SMAP2: variants seen among roughly 807,000 people sequenced by gnomAD.
The protein encoded by SMAP2 is stromal membrane-associated protein 2.
SMAP2 carries 25 observed loss-of-function variants against 56.4 expected under a neutral mutation model. The ratio of observed to expected loss-of-function variants is 0.44; its 90% confidence interval spans 0.32 to 0.62. The LOEUF (loss-of-function observed/expected upper bound fraction) is 0.62. SMAP2 is among the 20% of genes least tolerant of loss of function. SMAP2 has a pLI of 0.04. For missense variants in SMAP2, 388 were observed against 545.6 expected (o/e 0.71, Z 2.88); for synonymous variants, 157 against 181.7 (o/e 0.86, Z 1.09).
chr1:40,414,363 C>T, intron 6 of SMAP2, 123 bp downstream of exon 6: 1 of 844,130 alleles, frequency 1.2e-6, no homozygotes, highest in Non-Finnish European at 1.9e-6. Context: ...TGTTCTCTCA[C>T]ATTCTTCCTG....
At chr1:40,416,756 C>A (rs1457080258) in intron 8 of SMAP2, 24 bp from the exon 9 acceptor site, 1 of 1,582,314 alleles carries the variant, frequency 6.3e-7, no homozygotes, top group Non-Finnish European at 8.6e-7. Flanking sequence ...CTTTAACCAA[C>A]CTGTATGTGT....
chr1:40,350,568 T>G (rs939716133), intron 1 of SMAP2, among the ~76,000 whole-genome samples: 3 of 152,214 alleles, frequency 2.0e-5, no homozygotes, highest in African/African-American at 7.2e-5. Flanking sequence ...ATTTGTCTGG[T>G]GATTTGCAAA....
intron 1 of SMAP2, among the ~76,000 whole-genome samples, chr1:40,360,004 CT>C (rs775408458): frequency 4.9e-5 from 5 of 102,498 alleles, no homozygotes; most frequent in Middle Eastern, 6.3e-3. Context: ...CTTCTTCTTT[CT>C]TTTTTTTTTT....
chr1:40,419,258 A>C (rs1242648834), intron 9 of SMAP2, among the ~76,000 whole-genome samples: 2 of 149,546 alleles, frequency 1.3e-5, no homozygotes, highest in African/African-American at 4.9e-5. Flanking sequence ...TGTTCTGAAT[A>C]CCAAGATAAT....
intron 1 of SMAP2, chr1:40,396,851 G>C: frequency 1.0e-6 from 1 of 985,182 alleles, no homozygotes; most frequent in Non-Finnish European, 1.2e-6. Context: ...TTCCTTTTCA[G>C]TGAATCAGAG....
chr1:40,416,713 G>C, intron 8 of SMAP2, 67 bp from the exon 9 acceptor site: 1 of 1,482,460 alleles, frequency 6.7e-7, no homozygotes, highest in Non-Finnish European at 9.2e-7. Context: ...GGGTTAGCCA[G>C]GGAGAGTTCG....
chr1:40,374,952 A>G lies in SMAP2; in HGVS notation c.103+729A>G. 1.0e-6 allele frequency: 1 copy of G among 985,364 alleles called. No homozygotes were observed. Among genetic ancestry groups the G allele is most frequent in the Non-Finnish European group, 1.2e-6 (1 of 829,922 alleles). The allele number at this position is 985,364 out of a possible 1,614,324, so 61.0% of individuals were successfully genotyped here. ...TATGCCTGTAGTGCAGGATCCGTTTAATCAGTGGAGAGAGAAAGATGAATT... is the reference window on the plus strand; with the variant it reads ...TATGCCTGTAGTGCAGGATCCGTTTGATCAGTGGAGAGAGAAAGATGAATT... On this transcript the variant is annotated intron_variant, in intron 1 of 9. Coordinates refer to ENST00000372718, the MANE Select transcript of SMAP2 (RefSeq NM_022733.3). The surrounding 1 kb of genome is among the most constrained non-coding windows in gnomAD (Gnocchi z 5.9).
intron 1 of SMAP2, among the ~76,000 whole-genome samples, chr1:40,398,382 C>G (rs1644794515): frequency 6.6e-6 from 1 of 150,696 alleles, no homozygotes; most frequent in South Asian, 2.1e-4. Context: ...AGGCATATCA[C>G]CACACCGAGC....
In SMAP2 at chr1:40,415,370, G is replaced by A. The variant is rs374818974; in HGVS notation, c.670G>A (p.Gly224Ser). The change falls in exon 7 of 10, where the codon GGT (glycine) becomes AGT (serine). Residue 224 changes from glycine to serine, a missense_variant. Gly to Ser is a moderately conservative substitution (Grantham distance 56, BLOSUM62 0). Coordinates refer to ENST00000372718, the MANE Select transcript of SMAP2 (RefSeq NM_022733.3). ...CTCTGTTCCATCCCCTTCTTCTTCC[G>A]GTTCCAGAAAGGTGAGTCTTGTGGG... ...LASVPSPSSS[G>S]SRKVVGSMPT... 145 of 1,607,954 alleles carry A rather than the reference G, an allele frequency of 9.0e-5. No homozygotes were observed. The highest frequency in any genetic ancestry group is 1.2e-4 in the Non-Finnish European group (136 of 1,174,584).
chr1:40,400,022 C>T (rs147385383), intron 1 of SMAP2, among the ~76,000 whole-genome samples: 94 of 152,264 alleles, frequency 6.2e-4, no homozygotes, highest in African/African-American at 2.1e-3. Context: ...ATGTTACAGT[C>T]GGGTTTAGAC....
At chr1:40,345,886 T>C (rs1426208841) in intron 1 of SMAP2, among the ~76,000 whole-genome samples, 1 of 135,278 alleles carries the variant, frequency 7.4e-6, no homozygotes, top group Non-Finnish European at 1.6e-5. Flanking sequence ...TTATATTGTA[T>C]TGTATTATAT....
At chr1:40,348,616 G>T (rs944312964) in intron 1 of SMAP2, among the ~76,000 whole-genome samples, 1 of 151,978 alleles carries the variant, frequency 6.6e-6, no homozygotes, top group Admixed American at 6.6e-5. Flanking sequence ...GGCAGAGGTT[G>T]CAGTGAGCAG....
At chr1:40,359,866 T>C (rs758836183) in intron 1 of SMAP2, among the ~76,000 whole-genome samples, 11 of 152,168 alleles carry the variant, frequency 7.2e-5, no homozygotes, top group Admixed American at 2.6e-4. Flanking sequence ...CTATATCTCA[T>C]TGGACTGTCT....
chr1:40,402,367 G>A (rs1644843270), intron 1 of SMAP2, among the ~76,000 whole-genome samples: 1 of 152,026 alleles, frequency 6.6e-6, no homozygotes, highest in African/African-American at 2.4e-5. Flanking sequence ...TACCTATTTT[G>A]AGATATATGG....
At chr1:40,378,524 G>A (rs968360653) in intron 1 of SMAP2, among the ~76,000 whole-genome samples, 2 of 152,068 alleles carry the variant, frequency 1.3e-5, no homozygotes, top group Admixed American at 1.3e-4. Flanking sequence ...TGTTTCTCAG[G>A]CTAGTTCTAA....
At chr1:40,387,731 G>A (rs989059806) in intron 1 of SMAP2, among the ~76,000 whole-genome samples, 3 of 152,162 alleles carry the variant, frequency 2.0e-5, no homozygotes, top group Non-Finnish European at 4.4e-5. Flanking sequence ...GTGCCTCCTC[G>A]GCCTTGGCAC....
chr1:40,355,363 T>C (rs898933089), intron 1 of SMAP2, among the ~76,000 whole-genome samples: 5 of 152,206 alleles, frequency 3.3e-5, no homozygotes, highest in Non-Finnish European at 7.3e-5. Flanking sequence ...GTTATCACTA[T>C]ACTATTATAC....
chr1:40,356,825 C>T (rs756545585), intron 1 of SMAP2, among the ~76,000 whole-genome samples: 3 of 152,120 alleles, frequency 2.0e-5, no homozygotes, highest in Non-Finnish European at 2.9e-5. Flanking sequence ...CTCTAGTGTT[C>T]GTTATTGCCT....
rs140709257 is a variant in SMAP2, at chr1:40,376,256, T to C, written c.103+2033T>C. Among the ~76,000 whole-genome samples, 4 of 152,286 alleles carry C rather than the reference T, an allele frequency of 2.6e-5. No homozygotes were observed. In the East Asian group the frequency reaches 7.7e-4, roughly 29 times the overall value. On this transcript the variant is annotated intron_variant, in intron 1 of 9. Transcript: ENST00000372718. ...GTGAGCCACCATGCCCAGCCCGAAA[T>C]TTCCGTTGCTTTTTATTAATAAGCT...
Sources: allele counts gnomAD v4.1 joint callset (sites outside exome capture counted in the v4.1 genomes callset), GRCh38; gene constraint gnomAD v4.1.1; non-coding constraint Gnocchi (gnomAD v3.1); transcripts MANE v1.5; gene names NCBI Gene and HGNC (gene_info 2026-07-23, HGNC 2026-07-21).